The following PRMT1 variants were observed in gnomAD, a reference collection of about 807,000 sequenced individuals.
PRMT1 encodes the protein protein arginine N-methyltransferase 1.
PRMT1 carries 5 observed loss-of-function variants against 47.4 expected under a neutral mutation model. That is an observed-to-expected ratio of 0.11 (90% CI 0.06 to 0.22). PRMT1 has a LOEUF of 0.22. Among genes scored for constraint, PRMT1 ranks in the 10% least tolerant of loss-of-function variants. The pLI, the probability that PRMT1 is intolerant of heterozygous loss-of-function variation, is 1.00. For missense variants in PRMT1, 249 were observed against 518.4 expected, an observed-to-expected ratio of 0.48 and a Z score of 5.05; for synonymous variants, 227 against 204.6, an observed-to-expected ratio of 1.11 and a Z score of -0.94.
rs1391976289 is a variant in PRMT1, at chr19:49,680,467, T to A, written c.91-20T>A. The stretch of plus-strand genomic sequence containing the variant: ...GGGAGCCCCCAGATCTGACCCATGA[T>A]CCCATCGGCCCCCTCCCAGGTGTCC... On this transcript the variant is annotated intron_variant, in intron 2 of 10. Coordinates refer to ENST00000454376, the MANE Select transcript of PRMT1 (RefSeq NM_001536.6). This position sits in a 1 kb window ranked among gnomAD's most constrained non-coding sequence, Gnocchi z 4.2. 1.3e-6 allele frequency: 2 copies of A among 1,594,344 alleles called. No individual in the cohort carries two copies. The highest frequency in any genetic ancestry group is 1.7e-6 in the Non-Finnish European group (2 of 1,162,170).
In PRMT1 at chr19:49,688,364, G is replaced by GA; in HGVS notation, c.*120dup. ...GGGTTTTAGGGGCCTGGGCTGGGGG[G>GA]ATGGGGAGGGCACATCGTGACTGTG... On this transcript the variant is annotated 3_prime_UTR_variant, in exon 11 of 11. Transcript: ENST00000454376. This position sits in a 1 kb window ranked among gnomAD's most constrained non-coding sequence, Gnocchi z 5.3. 1 of 877,570 alleles carries GA rather than the reference G, an allele frequency of 1.1e-6. No individual in the cohort carries two copies. Among genetic ancestry groups the GA allele is most frequent in the Non-Finnish European group, 1.9e-6 (1 of 539,132 alleles). 54.4% of individuals were successfully genotyped at this position (877,570 alleles called of 1,614,324 possible). A position where few individuals can be genotyped will look rare whatever the true frequency, so the allele number is the denominator to read the frequency against.
Position 49,688,137 on chromosome 19 carries a change from C to G in PRMT1, c.1033-25C>G. On this transcript the variant is annotated intron_variant, in intron 10 of 10. Coordinates refer to ENST00000454376, the MANE Select transcript of PRMT1 (RefSeq NM_001536.6). The surrounding 1 kb of genome is among the most constrained non-coding windows in gnomAD (Gnocchi z 5.3). ...GCCACCACCTCCTGGTGGGTTCCGCCCTCATGCCCCACCTCTCCCTGCAGC... is the reference window on the plus strand; with the variant it reads ...GCCACCACCTCCTGGTGGGTTCCGCGCTCATGCCCCACCTCTCCCTGCAGC... 1 of 1,609,520 alleles carries G rather than the reference C, an allele frequency of 6.2e-7. No individual in the cohort carries two copies. The highest frequency in any genetic ancestry group is 8.5e-7 in the Non-Finnish European group (1 of 1,175,930).
chr19:49,679,622 G>C, intron 1 of PRMT1: 1 of 696,500 alleles, frequency 1.4e-6, no homozygotes, highest in Non-Finnish European at 2.6e-6. Flanking sequence ...GGCCAGAGAG[G>C]GGCAGCGTGG....
In PRMT1 at chr19:49,688,249, C is replaced by T. The variant is rs201538638; in HGVS notation, c.*4C>T. ...CACCGACTACCGGATGCGCTGAGGCCCGGCTCTCCCGCCCTGCACGAGCCC... is the reference window on the plus strand; with the variant it reads ...CACCGACTACCGGATGCGCTGAGGCTCGGCTCTCCCGCCCTGCACGAGCCC... On this transcript the variant is annotated 3_prime_UTR_variant, in exon 11 of 11. Transcript: ENST00000454376. This position sits in a 1 kb window ranked among gnomAD's most constrained non-coding sequence, Gnocchi z 5.3. The T allele has an allele frequency of 4.5e-5, 73 of 1,613,566 alleles. No individual in the cohort carries two copies. In the East Asian group the frequency reaches 1.1e-3, roughly 25 times the overall value.
chr19:49,685,463 T>C lies in PRMT1; in HGVS notation c.759+426T>C. ...AGTTCAAGGCTGCAGTGAGCTGTGA[T>C]CACATCACTGCACTCCAGCTTTGGT... On this transcript the variant is annotated intron_variant, in intron 8 of 10. Coordinates refer to ENST00000454376, the MANE Select transcript of PRMT1 (RefSeq NM_001536.6). This position sits in a 1 kb window ranked among gnomAD's most constrained non-coding sequence, Gnocchi z 4.7. The C allele has an allele frequency of 8.9e-7, 1 of 1,129,038 alleles. No homozygotes were observed. The highest frequency in any genetic ancestry group is 2.1e-5 in the South Asian group (1 of 47,590). The allele number at this position is 1,129,038 out of a possible 1,614,324, so 69.9% of individuals were successfully genotyped here.
At chr19:49,687,518 C>G (rs2082226077) in intron 10 of PRMT1, among the ~76,000 whole-genome samples, 1 of 151,558 alleles carries the variant, frequency 6.6e-6, no homozygotes, top group African/African-American at 2.4e-5. Context: ...CTCCCCGCCC[C>G]CCCCCAGGAC....
At chr19:49,682,088 CGG>C (rs1568486495) in intron 4 of PRMT1, 23 bp downstream of exon 4, 1 of 1,613,516 alleles carries the variant, frequency 6.2e-7, no homozygotes, top group Non-Finnish European at 8.5e-7. Context: ...GGTGGCCAGG[CGG>C]GGCCGGGCCT....
chr19:49,683,724 AC>A, intron 5 of PRMT1: 1 of 573,350 alleles, frequency 1.7e-6, no homozygotes, highest in East Asian at 3.0e-5. Context: ...ATCACCTGAT[AC>A]CCAGTCCACA....
Position 49,683,985 on chromosome 19 carries a change from C to A in PRMT1, c.471C>A (p.Asp157Glu). Residue 157 changes from aspartate (D) to glutamate (E), a missense_variant, in exon 6 of 11, where the codon GAC becomes GAA. Physicochemically the swap from Asp to Glu is conservative, Grantham distance 45. Coordinates refer to ENST00000454376, the MANE Select transcript of PRMT1 (RefSeq NM_001536.6). Reference protein sequence around the residue: ...EEVELPVEKVDIIISEWMGYC... With the variant: ...EEVELPVEKVEIIISEWMGYC... ...TGGAGCTCCCAGTGGAGAAGGTGGA[C>A]ATCATCATCAGCGAGTGGATGGGCT... The A allele has an allele frequency of 6.2e-7, 1 of 1,614,092 alleles. No homozygotes were observed. Among genetic ancestry groups the A allele is most frequent in the Non-Finnish European group, 8.5e-7 (1 of 1,180,006 alleles).
Position 49,682,014 on chromosome 19 carries a change from C to T in PRMT1, c.297C>T (p.Thr99=), listed in dbSNP as rs904818817. The change falls in exon 4 of 11, where the codon ACC becomes ACT. Residue 99 remains threonine, a synonymous_variant. Transcript: ENST00000454376. ...DKVVLDVGSG[T]GILCMFAAKA... is the part of the protein sequence containing the mutation. The stretch of plus-strand genomic sequence containing the variant: ...TGGTGCTGGACGTCGGCTCGGGCAC[C>T]GGCATCCTCTGCATGTTTGCTGCCA... 15 of 1,614,052 alleles carry T rather than the reference C, an allele frequency of 9.3e-6. No individual in the cohort carries two copies. Among genetic ancestry groups the T allele is most frequent in the Admixed American group, 1.7e-5 (1 of 60,010 alleles).
chr19:49,679,192 C>G (rs879876197), intron 1 of PRMT1, among the ~76,000 whole-genome samples: 5 of 152,150 alleles, frequency 3.3e-5, no homozygotes, highest in Non-Finnish European at 5.9e-5. Flanking sequence ...AAGCCACTTT[C>G]TGGAGTCCTC....
rs139563467 is a variant in PRMT1 at position 49,683,624 on chromosome 19, G to C, written c.413-303G>C. The C allele has an allele frequency of 3.1e-3, 750 of 240,476 alleles. 5 individuals carry two copies. The highest frequency in any genetic ancestry group is 0.021 in the East Asian group (199 of 9,366). The allele number at this position is 240,476 out of a possible 1,614,324, so 14.9% of individuals were successfully genotyped here. A position where few individuals can be genotyped will look rare whatever the true frequency, so the allele number is the denominator to read the frequency against. On this transcript the variant is annotated intron_variant, in intron 5 of 10. Transcript: ENST00000454376. ...AATGGCGTGAACCCGGGAGGCGGAG[G>C]TTGCAGTGAGCTGAGATCACGCCAC... is the stretch of plus-strand genomic sequence containing the variant.
chr19:49,681,635 G>A lies in PRMT1; in HGVS notation c.193-275G>A, dbSNP rs1005240936. Among the ~76,000 whole-genome samples the A allele has an allele frequency of 6.6e-6, 1 of 152,098 alleles. No homozygotes were observed. The highest frequency in any genetic ancestry group is 1.5e-5 in the Non-Finnish European group (1 of 68,038). ...CACCTATAATCTCAGCTACTTGGGA[G>A]GCTGAGGCAGGAGAATCACTTGAAC... On this transcript the variant is annotated intron_variant, in intron 3 of 10. Coordinates refer to ENST00000454376, the MANE Select transcript of PRMT1 (RefSeq NM_001536.6). The surrounding 1 kb of genome is among the most constrained non-coding windows in gnomAD (Gnocchi z 4.4).
chr19:49,678,099 G>A (rs1436003973), intron 1 of PRMT1: 1 of 152,176 alleles, frequency 6.6e-6, no homozygotes, highest in Non-Finnish European at 1.5e-5. Context: ...ATTTCTGGGT[G>A]TGTGGGAGGG....
Position 49,684,524 on chromosome 19 carries a change from C to G in PRMT1, c.556-230C>G, listed in dbSNP as rs943802274. Among the ~76,000 whole-genome samples the G allele has an allele frequency of 1.3e-5, 2 of 152,174 alleles. No homozygotes were observed. Among genetic ancestry groups the G allele is most frequent in the African/African-American group, 2.4e-5 (1 of 41,448 alleles). ...GGACCCCGTGCTTTTCCTCTCAGAGCAGCTAGGGAGGGTCTGAGGATCCCC... is the reference window on the plus strand; with the variant it reads ...GGACCCCGTGCTTTTCCTCTCAGAGGAGCTAGGGAGGGTCTGAGGATCCCC... On this transcript the variant is annotated intron_variant, in intron 6 of 10. Coordinates refer to ENST00000454376, the MANE Select transcript of PRMT1 (RefSeq NM_001536.6). The surrounding 1 kb of genome is among the most constrained non-coding windows in gnomAD (Gnocchi z 6.2).
chr19:49,686,963 G>C (rs2082217216), intron 10 of PRMT1, among the ~76,000 whole-genome samples: 1 of 152,116 alleles, frequency 6.6e-6, no homozygotes, highest in African/African-American at 2.4e-5. Context: ...GAAGTTATGG[G>C]CCTGGGGACC....
At chr19:49,687,952 A>C in intron 10 of PRMT1, 1 of 610,822 alleles carries the variant, frequency 1.6e-6, no homozygotes, top group South Asian at 1.8e-5. Context: ...TCTACTCCTG[A>C]GTGAGTCTAG....
At chr19:49,682,383 CTT>C in intron 5 of PRMT1, 124 bp downstream of exon 5, 1 of 1,047,532 alleles carries the variant, frequency 9.5e-7, no homozygotes, top group African/African-American at 1.6e-5. Flanking sequence ...AACCCATGGT[CTT>C]TTGGGCTGCC....
In PRMT1 at chr19:49,685,469, C is replaced by G. The variant is rs927580222; in HGVS notation, c.759+432C>G. 1.9e-6 allele frequency: 2 copies of G among 1,072,444 alleles called. No homozygotes were observed. The highest frequency in any genetic ancestry group is 3.4e-5 in the African/African-American group (2 of 59,224). 66.4% of individuals were successfully genotyped at this position (1,072,444 alleles called of 1,614,324 possible). ...AGGCTGCAGTGAGCTGTGATCACAT[C>G]ACTGCACTCCAGCTTTGGTGACAAT... On this transcript the variant is annotated intron_variant, in intron 8 of 10. Coordinates refer to ENST00000454376, the MANE Select transcript of PRMT1 (RefSeq NM_001536.6). This position sits in a 1 kb window ranked among gnomAD's most constrained non-coding sequence, Gnocchi z 4.7.
Sources: allele counts gnomAD v4.1 joint callset (sites outside exome capture counted in the v4.1 genomes callset), GRCh38; gene constraint gnomAD v4.1.1; non-coding constraint Gnocchi (gnomAD v3.1); transcripts MANE v1.5; gene names NCBI Gene and HGNC (gene_info 2026-07-23, HGNC 2026-07-21).